The following AGL variants were observed in gnomAD, a reference collection of about 807,000 sequenced individuals.
AGL encodes amylo-alpha-1,6-glucosidase and 4-alpha-glucanotransferase.
In AGL, 128 loss-of-function variants were observed where a neutral mutation model predicts 199.3. That is an observed-to-expected ratio of 0.64 (90% confidence interval 0.56 to 0.74). The LOEUF is 0.74. Ranked by LOEUF, AGL falls within the 30% of genes least tolerant of loss-of-function variation. The pLI is 0.00. For missense variants in AGL, 1,809 were observed against 1,820.8 expected (o/e 0.99, Z 0.12); for synonymous variants, 584 against 594.7 (o/e 0.98, Z 0.26).
intron 25 of AGL, among the ~76,000 whole-genome samples, chr1:99,899,324 T>G (rs1046488657): frequency 1.3e-5 from 2 of 152,178 alleles, no homozygotes; most frequent in African/African-American, 4.8e-5. Context: ...AAAGCTAGGA[T>G]TTAGACTTCA....
intron 5 of AGL, among the ~76,000 whole-genome samples, chr1:99,869,076 C>T (rs1441700611): frequency 6.6e-6 from 1 of 152,190 alleles, no homozygotes; most frequent in East Asian, 1.9e-4. Context: ...ACTCCCTCCT[C>T]AGCCTCCCAA....
intron 27 of AGL, among the ~76,000 whole-genome samples, chr1:99,902,999 T>G (rs1363091484): frequency 6.6e-6 from 1 of 152,222 alleles, no homozygotes; most frequent in South Asian, 2.1e-4. Flanking sequence ...GAAAGATAAT[T>G]TTGGTGGTTT....
intron 7 of AGL, among the ~76,000 whole-genome samples, chr1:99,872,363 T>C (rs1651091193): frequency 1.3e-5 from 2 of 152,178 alleles, no homozygotes; most frequent in Middle Eastern, 3.2e-3. Context: ...ATCTGAAGGA[T>C]ACATTGTTAA....
chr1:99,898,959 C>T (rs567628247), intron 25 of AGL, among the ~76,000 whole-genome samples: 1 of 152,200 alleles, frequency 6.6e-6, no homozygotes, highest in Non-Finnish European at 1.5e-5. Flanking sequence ...AGATTGCTAG[C>T]ACTATGGCCA....
chr1:99,899,721 C>T (rs550199563), intron 25 of AGL, among the ~76,000 whole-genome samples: 1 of 151,850 alleles, frequency 6.6e-6, no homozygotes, highest in South Asian at 2.1e-4. Context: ...CCCTGGTTCA[C>T]GCCGTTCTCC....
chr1:99,854,636 C>T (rs1214787197), intron 2 of AGL, among the ~76,000 whole-genome samples: 4 of 151,464 alleles, frequency 2.6e-5, no homozygotes, highest in Admixed American at 2.0e-4. Context: ...TGGTGGCGGG[C>T]GCCTCTAGTC....
intron 19 of AGL, 24 bp from the exon 20 acceptor site, chr1:99,884,545 C>T: frequency 6.2e-7 from 1 of 1,612,416 alleles, no homozygotes; most frequent in Non-Finnish European, 8.5e-7. Flanking sequence ...TAAAAATTAA[C>T]CACTTTTTAA....
intron 5 of AGL, among the ~76,000 whole-genome samples, chr1:99,869,559 G>A (rs1650814113): frequency 6.6e-6 from 1 of 152,232 alleles, no homozygotes; most frequent in Admixed American, 6.5e-5. Context: ...AACTCTCTGT[G>A]CTTCAGTTTC....
chr1:99,863,191 G>T (rs1650212058), intron 4 of AGL, among the ~76,000 whole-genome samples: 1 of 151,892 alleles, frequency 6.6e-6, no homozygotes, highest in Admixed American at 6.6e-5. Context: ...GCCCACCTTG[G>T]CCTCCCAAAG....
chr1:99,912,982 G>C (rs1251822538), intron 29 of AGL, among the ~76,000 whole-genome samples: 7 of 152,110 alleles, frequency 4.6e-5, no homozygotes, highest in Admixed American at 6.5e-5. Flanking sequence ...CCACACTTTG[G>C]GGGGCCAAGG....
At chr1:99,913,408 G>C in intron 29 of AGL, 119 bp from the exon 30 acceptor site, 1 of 858,732 alleles carries the variant, frequency 1.2e-6, no homozygotes, top group East Asian at 2.7e-5. Flanking sequence ...TTTTCCAAAA[G>C]TGGATAATTT....
chr1:99,906,950 A>G (rs894936696), intron 27 of AGL, among the ~76,000 whole-genome samples: 7 of 152,152 alleles, frequency 4.6e-5, no homozygotes, highest in Non-Finnish European at 8.8e-5. Context: ...CTTCTATAAT[A>G]TTCTCCATAA....
In AGL at chr1:99,856,436, G is replaced by GTATT. The variant is rs1320015830; in HGVS notation, c.83-5045_83-5042dup. 2.3e-3 allele frequency among the ~76,000 whole-genome samples: 315 copies of GTATT among 139,506 alleles called. 4 individuals carry two copies. Among genetic ancestry groups the GTATT allele is most frequent in the East Asian group, 0.014 (70 of 4,876 alleles). The allele number at this position is 139,506 out of a possible 152,430, so 91.5% of individuals were successfully genotyped here. ...CTTCTTCCCTTTCTTTTCTTTTCTTGTATTTATTTATTTATTTATTTATTT... is the reference window on the plus strand; with the variant it reads ...CTTCTTCCCTTTCTTTTCTTTTCTTGTATTTATTTATTTATTTATTTATTTATTT... On this transcript the variant is annotated intron_variant, in intron 2 of 33. Transcript: ENST00000361915.
chr1:99,867,572 T>C (rs1339179574), intron 5 of AGL, among the ~76,000 whole-genome samples: 1 of 152,046 alleles, frequency 6.6e-6, no homozygotes, highest in Non-Finnish European at 1.5e-5. Context: ...CTTTTTTTTT[T>C]TGAGACGGAG....
chr1:99,905,091 G>A (rs531758507), intron 27 of AGL, among the ~76,000 whole-genome samples: 3 of 152,100 alleles, frequency 2.0e-5, no homozygotes, highest in South Asian at 2.1e-4. Flanking sequence ...ATAAATTCCC[G>A]CCAGCAAACT....
At chr1:99,898,698 A>G (rs1653537919) in intron 25 of AGL, among the ~76,000 whole-genome samples, 1 of 152,154 alleles carries the variant, frequency 6.6e-6, no homozygotes, top group Non-Finnish European at 1.5e-5. Context: ...GTCAGTTTCC[A>G]TGGCTTCTGG....
At chr1:99,856,154 T>G (rs1370247369) in intron 2 of AGL, among the ~76,000 whole-genome samples, 2 of 152,236 alleles carry the variant, frequency 1.3e-5, no homozygotes, top group African/African-American at 4.8e-5. Context: ...TCTGACCTAC[T>G]GTAGGCTCTC....
At position 99,890,650 on chromosome 1, in the gene AGL, AAT is replaced by A. The variant is rs149556091; in HGVS notation, c.2813-556_2813-555del. ...AGACTAGAAGGATTAAGAAAAAAAA[AAT>A]ATATATATATATACCTCATTTTGAT... On this transcript the variant is annotated intron_variant, in intron 21 of 33. Coordinates refer to ENST00000361915, the MANE Select transcript of AGL (RefSeq NM_000642.3). Among the ~76,000 whole-genome samples, 126 of 76,066 alleles carry A rather than the reference AAT, an allele frequency of 1.7e-3. 1 individual carries two copies. The highest frequency in any genetic ancestry group is 3.7e-3 in the African/African-American group (88 of 23,728). The allele number at this position is 76,066 out of a possible 152,430, so 49.9% of individuals were successfully genotyped here.
chr1:99,869,953 A>G (rs539632062), intron 5 of AGL, among the ~76,000 whole-genome samples: 2 of 152,130 alleles, frequency 1.3e-5, no homozygotes, highest in Non-Finnish European at 2.9e-5. Flanking sequence ...GCCAAAACAA[A>G]TTATCTTCAA....
Sources: gnomAD v4.1 joint callset for allele counts (sites outside exome capture counted in the v4.1 genomes callset) on GRCh38, gnomAD v4.1.1 for gene constraint, MANE v1.5 for transcripts, NCBI Gene and HGNC (gene_info 2026-07-23, HGNC 2026-07-21) for gene names.